Variants in PITPNM1 observed in about 807,000 individuals in gnomAD.
PITPNM1 encodes the protein membrane-associated phosphatidylinositol transfer protein 1.
In PITPNM1, 74 loss-of-function variants were observed where a neutral mutation model predicts 133.3. The ratio of observed to expected loss-of-function variants is 0.56; its 90% confidence interval spans 0.46 to 0.67. The LOEUF is 0.67. Ranked by LOEUF, PITPNM1 falls within the 30% of genes least tolerant of loss-of-function variation. The probability of loss-of-function intolerance (pLI) is 0.00; values close to 1 mark genes in which losing one functional copy is unlikely to be tolerated. For synonymous variants in PITPNM1, 738 were observed against 741.4 expected (o/e 1.00, Z 0.08); for missense variants, 1,398 against 1,739.5 (o/e 0.80, Z 3.49).
intron 2 of PITPNM1, among the ~76,000 whole-genome samples, chr11:67,503,092 T>G (rs1565197129): frequency 3.3e-5 from 5 of 152,172 alleles, no homozygotes; most frequent in Admixed American, 3.3e-4. Context: ...ATGTGGTGTG[T>G]TAGAAGGCGC....
Position 67,502,263 on chromosome 11 carries a change from C to T in PITPNM1, c.415+29G>A, listed in dbSNP as rs1565196251. 6.2e-7 allele frequency: 1 copy of T among 1,605,054 alleles called. No homozygotes were observed. Among genetic ancestry groups the T allele is most frequent in the Non-Finnish European group, 8.5e-7 (1 of 1,175,708 alleles). ...GCAGCCAGGAGCCTGAGAGGGGCGC[C>T]AGGGTCCCCCCATAGCTCCAGGCCT... is the stretch of plus-strand genomic sequence containing the variant. On this transcript the variant is annotated intron_variant, in intron 4 of 23. Transcript: ENST00000356404. This position sits in a 1 kb window ranked among gnomAD's most constrained non-coding sequence, Gnocchi z 5.9.
At chr11:67,492,389 G>T in intron 23 of PITPNM1, 93 bp from the exon 24 acceptor site, 1 of 1,307,020 alleles carries the variant, frequency 7.7e-7, no homozygotes, top group Non-Finnish European at 1.0e-6. Flanking sequence ...AGGCAGGCTG[G>T]GGGACTGGTG....
At position 67,499,959 on chromosome 11, in the gene PITPNM1, G is replaced by A. The variant is rs767498351; in HGVS notation, c.1018C>T (p.Arg340Ter). Residue 340 changes from arginine (R) to a stop codon, truncating the protein, a stop_gained, in exon 7 of 24, where the codon CGA becomes TGA. Transcript: ENST00000356404. LOFTEE classifies it high-confidence loss of function. ...TCCTCGGAGCTGTTCTCAGAGTCTC[G>A]GGCAATGTTCTGCATGCGCCACTCA... Reference protein sequence around the residue: ...LSEWRMQNIARDSENSSEEEF... With the variant: ...LSEWRMQNIA 2.5e-6 allele frequency: 4 copies of A among 1,612,522 alleles called. No homozygotes were observed. Among genetic ancestry groups the A allele is most frequent in the East Asian group, 2.2e-5 (1 of 44,842 alleles).
intron 22 of PITPNM1, 70 bp downstream of exon 22, chr11:67,493,340 G>T: frequency 7.0e-7 from 1 of 1,423,074 alleles, no homozygotes; most frequent in East Asian, 2.5e-5. Flanking sequence ...GGCCTCCGCC[G>T]ATCCGGGGGT....
At position 67,498,127 on chromosome 11, in the gene PITPNM1, G is replaced by T; in HGVS notation, c.1674+6C>A. ...GGCAGCAGATGGACTGTCCCTAACC[G>T]CTGACCTGCCCACAGAAGCCGGCAC... On this transcript the variant is annotated splice_donor_region_variant and intron_variant, in intron 11 of 23. Transcript: ENST00000356404. This position sits in a 1 kb window ranked among gnomAD's most constrained non-coding sequence, Gnocchi z 5.7. 6.2e-7 allele frequency: 1 copy of T among 1,612,054 alleles called. No individual in the cohort carries two copies. The highest frequency in any genetic ancestry group is 8.5e-7 in the Non-Finnish European group (1 of 1,179,886).
At chr11:67,495,303 C>T (rs922631949) in intron 16 of PITPNM1, 78 bp from the exon 17 acceptor site, 3 of 1,488,888 alleles carry the variant, frequency 2.0e-6, no homozygotes, top group Non-Finnish European at 2.7e-6. Flanking sequence ...CTCTTCCCTC[C>T]CCCCTTTTCA....
At chr11:67,495,011 TC>T in intron 17 of PITPNM1, 55 bp from the exon 18 acceptor site, 3 of 1,596,140 alleles carry the variant, frequency 1.9e-6, no homozygotes, top group Admixed American at 1.7e-5. Flanking sequence ...GGGCTGCCCC[TC>T]CCCCGGCCCA....
chr11:67,494,791 G>T, intron 18 of PITPNM1, 55 bp downstream of exon 18: 1 of 358,608 alleles, frequency 2.8e-6, no homozygotes. Flanking sequence ...GGGCCTCTCT[G>T]GTGAGTGGGC....
At position 67,492,011 on chromosome 11, in the gene PITPNM1, C is replaced by G; in HGVS notation, c.*22G>C. ...CCCTTGGGTGTGTCAATAAATAACC[C>G]AGGTCCAGGCTGGTGTGGGCCTCAC... On this transcript the variant is annotated 3_prime_UTR_variant, in exon 24 of 24. Coordinates refer to ENST00000356404, the MANE Select transcript of PITPNM1 (RefSeq NM_004910.3). 6.2e-7 allele frequency: 1 copy of G among 1,605,954 alleles called. No individual in the cohort carries two copies. Among genetic ancestry groups the G allele is most frequent in the Non-Finnish European group, 8.5e-7 (1 of 1,175,728 alleles).
In PITPNM1 at chr11:67,504,529, G is replaced by T. The variant is rs186517510; in HGVS notation, c.-41-308C>A. 0.012 allele frequency: 1,760 copies of T among 152,130 alleles called. 25 individuals carry two copies. Among genetic ancestry groups the T allele is most frequent in the African/African-American group, 0.038 (1,560 of 41,516 alleles). 9.4% of individuals were successfully genotyped at this position (152,130 alleles called of 1,614,324 possible). On this transcript the variant is annotated intron_variant, in intron 1 of 23. Coordinates refer to ENST00000356404, the MANE Select transcript of PITPNM1 (RefSeq NM_004910.3). This position sits in a 1 kb window ranked among gnomAD's most constrained non-coding sequence, Gnocchi z 5.4. ...GCGGGAGGGCCACCTCACCTCTCCC[G>T]CTGCGACCGCGTCCTAACCCCGGGA...
Position 67,498,662 on chromosome 11 carries a change from C to T in PITPNM1, c.1418G>A (p.Gly473Asp), listed in dbSNP as rs776585973. The T allele has an allele frequency of 2.5e-6, 4 of 1,601,202 alleles. No homozygotes were observed. The African/African-American group carries it at 5.3e-5, about 21-fold the overall frequency. The change falls in exon 10 of 24, where the codon GGC becomes GAC. Residue 473 changes from glycine (G) to aspartate (D), a missense_variant. Transcript: ENST00000356404. The surrounding 1 kb of genome is among the most constrained non-coding windows in gnomAD (Gnocchi z 5.7). The stretch of plus-strand genomic sequence containing the variant: ...GGGCACCAGTCGCAGCGCCACGTGG[C>T]CCAAGGCCTCAGGGAAGTGGATGCG... ...VTRIHFPEAL[G>D]HVALRLVPCP...
rs1375999974 is a variant in PITPNM1, at chr11:67,494,000, C to A, written c.2930G>T (p.Ser977Ile). The change falls in exon 20 of 24, where the codon AGC becomes ATC. Residue 977 changes from serine (S) to isoleucine (I), a missense_variant. Coordinates refer to ENST00000356404, the MANE Select transcript of PITPNM1 (RefSeq NM_004910.3). ...AACTGGGAAGGTGAGGCGGCCCGAGCTATTGGTGACTTCGGTGCCAAAGTG... is the reference window on the plus strand; with the variant it reads ...AACTGGGAAGGTGAGGCGGCCCGAGATATTGGTGACTTCGGTGCCAAAGTG... ...WIHFGTEVTN[S>I]SGRLTFPVPP... The A allele has an allele frequency of 6.2e-7, 1 of 1,612,138 alleles. No homozygotes were observed.
chr11:67,502,173 G>A lies in PITPNM1; in HGVS notation c.416-87C>T, dbSNP rs1182934702. ...CTCTTGGGACTGGATGACAGTTCCCGTCCTTTTGCAGACAGGACATGAGGC... is the reference window on the plus strand; with the variant it reads ...CTCTTGGGACTGGATGACAGTTCCCATCCTTTTGCAGACAGGACATGAGGC... On this transcript the variant is annotated intron_variant, in intron 4 of 23. Transcript: ENST00000356404. The surrounding 1 kb of genome is among the most constrained non-coding windows in gnomAD (Gnocchi z 5.9). The A allele has an allele frequency of 3.3e-5, 51 of 1,551,478 alleles. No homozygotes were observed. The highest frequency in any genetic ancestry group is 4.1e-5 in the African/African-American group (3 of 73,466).
chr11:67,499,514 G>A, intron 8 of PITPNM1: 1 of 145,440 alleles, frequency 6.9e-6, no homozygotes, highest in Non-Finnish European at 1.5e-5. Context: ...TTCATTCTTA[G>A]TGCTATGTCT....
At chr11:67,496,484 G>A (rs1053753749) in intron 14 of PITPNM1, 136 bp from the exon 15 acceptor site, 4 of 708,694 alleles carry the variant, frequency 5.6e-6, no homozygotes, top group Admixed American at 3.7e-5. Context: ...CACTCCCTGG[G>A]AAGTCAGTAG....
intron 12 of PITPNM1, 66 bp downstream of exon 12, chr11:67,497,851 G>C: frequency 6.6e-7 from 1 of 1,515,980 alleles, no homozygotes; most frequent in Non-Finnish European, 9.0e-7. Flanking sequence ...GCATTCCAGG[G>C]GGCAGAGACC....
At position 67,492,163 on chromosome 11, in the gene PITPNM1, C is replaced by T. The variant is rs758587665; in HGVS notation, c.3605G>A (p.Arg1202His). The change falls in exon 24 of 24, where the codon CGC (arginine) becomes CAC (histidine). Residue 1202 changes from arginine to histidine, a missense_variant. By Grantham distance (29) the Arg-to-His change is conservative. Around this residue, in one of 5 missense-constraint regions of PITPNM1, gnomAD observed 122 missense variants for 123.3 expected, o/e 0.99. Coordinates refer to ENST00000356404, the MANE Select transcript of PITPNM1 (RefSeq NM_004910.3). ...CGAGCGAAGCAGCTGGCTCTGTTTGCGCAGGAAGTCCACGGGGGCAGCCAC... is the reference window on the plus strand; with the variant it reads ...CGAGCGAAGCAGCTGGCTCTGTTTGTGCAGGAAGTCCACGGGGGCAGCCAC... The part of the protein sequence containing the change: ...YGVAAPVDFL[R>H]KQSQLLRSRG... 29 of 1,611,396 alleles carry T rather than the reference C, an allele frequency of 1.8e-5. No homozygotes were observed. Among genetic ancestry groups the T allele is most frequent in the East Asian group, 6.7e-5 (3 of 44,862 alleles).
Position 67,496,167 on chromosome 11 carries a change from TG to T in PITPNM1, c.2317+10del. On this transcript the variant is annotated intron_variant, in intron 15 of 23. Transcript: ENST00000356404. ...TCCTCCTTCTCCCCTTTATCTTGTT[TG>T]GGGGCGTACCCAGCAGCAGGGATGA... is the stretch of plus-strand genomic sequence containing the variant. 6.6e-7 allele frequency: 1 copy of T among 1,504,814 alleles called. No homozygotes were observed. 93.2% of individuals were successfully genotyped at this position (1,504,814 alleles called of 1,614,324 possible). A position where few individuals can be genotyped will look rare whatever the true frequency, so the allele number is the denominator to read the frequency against.
At position 67,498,838 on chromosome 11, in the gene PITPNM1, A is replaced by G; in HGVS notation, c.1242T>C (p.Asp414=). ...AQAPRDSEGL[D]GAGELGAEAC... ...CCTCAGCCCCCAGCTCCCCGGCTCC[A>G]TCCAGGCCCTGGGGGGAACAATGGG... The change falls in exon 10 of 24, where the codon GAT becomes GAC. Residue 414 remains aspartate (D), a synonymous_variant. Transcript: ENST00000356404. The surrounding 1 kb of genome is among the most constrained non-coding windows in gnomAD (Gnocchi z 5.7). 1.2e-6 allele frequency: 2 copies of G among 1,609,896 alleles called. No individual in the cohort carries two copies. The highest frequency in any genetic ancestry group is 1.7e-6 in the Non-Finnish European group (2 of 1,177,376).
Sources: gnomAD v4.1 joint callset for allele counts (sites outside exome capture counted in the v4.1 genomes callset) on GRCh38, gnomAD v4.1.1 for gene constraint, gnomAD v4.1.1 regional missense constraint, Gnocchi (gnomAD v3.1) non-coding constraint, MANE v1.5 for transcripts, NCBI Gene and HGNC (gene_info 2026-07-23, HGNC 2026-07-21) for gene names.